Variants in TARS2 observed in about 807,000 individuals in gnomAD.
TARS2 encodes threonyl-tRNA synthetase 2, mitochondrial, also known as threonine--tRNA ligase, mitochondrial.
In TARS2, 61 loss-of-function variants were observed where a neutral mutation model predicts 94.4. The ratio of observed to expected loss-of-function variants is 0.65; its 90% CI spans 0.53 to 0.80. The LOEUF (loss-of-function observed/expected upper bound fraction) is 0.80. Among genes scored for constraint, TARS2 ranks in the 30% least tolerant of loss-of-function variants. The pLI is 0.00. For synonymous variants in TARS2, 359 were observed against 353.4 expected (o/e 1.02, Z -0.18); for missense variants, 704 against 902.5 (o/e 0.78, Z 2.82).
chr1:150,488,234 C>T, intron 2 of TARS2, 180 bp downstream of exon 2: 4 of 678,364 alleles, frequency 5.9e-6, no homozygotes, highest in Non-Finnish European at 7.1e-6. Flanking sequence ...GGGGTCTCTC[C>T]ATGTTGCCCA....
chr1:150,506,238 A>G (rs1009683014), intron 17 of TARS2, among the ~76,000 whole-genome samples: 4 of 152,052 alleles, frequency 2.6e-5, no homozygotes, highest in African/African-American at 9.7e-5. Context: ...GCTGTGCTGC[A>G]ATCCCAGGGA....
Position 150,491,471 on chromosome 1 carries a change from G to A in TARS2, c.590G>A (p.Arg197Lys). ...ACAGCTGCTGCTCGACCCTTCCGGAGGCTAGAGGCTTCACGGGATCAGCTT... is the reference window on the plus strand; with the variant it reads ...ACAGCTGCTGCTCGACCCTTCCGGAAGCTAGAGGCTTCACGGGATCAGCTT... ...ELTAAARPFRRLEASRDQLRQ... is the reference protein window; with the variant it reads ...ELTAAARPFRKLEASRDQLRQ... Residue 197 changes from arginine (R) to lysine (K), a missense_variant, in exon 5 of 18, where the codon AGG (arginine) becomes AAG (lysine). By Grantham distance (26) the Arg-to-Lys change is conservative. Around this residue, in one of 3 missense-constraint regions of TARS2, gnomAD observed 30 missense variants for 64.5 expected, o/e 0.47. Coordinates refer to ENST00000369064, the MANE Select transcript of TARS2 (RefSeq NM_025150.5). 1.9e-6 allele frequency: 3 copies of A among 1,614,194 alleles called. No homozygotes were observed. Among genetic ancestry groups the A allele is most frequent in the Non-Finnish European group, 2.5e-6 (3 of 1,180,052 alleles).
intron 6 of TARS2, 128 bp downstream of exon 6, chr1:150,491,790 T>A: frequency 9.4e-7 from 1 of 1,064,380 alleles, no homozygotes; most frequent in Non-Finnish European, 1.4e-6. Context: ...GAATGGGAAT[T>A]GATTTTTTTT....
rs1156932403 is a variant in TARS2 at position 150,498,541 on chromosome 1, G to A, written c.1278G>A (p.Leu426=). The A allele has an allele frequency of 1.2e-6, 2 of 1,602,506 alleles. No individual in the cohort carries two copies. The highest frequency in any genetic ancestry group is 4.5e-5 in the East Asian group (2 of 44,764). ...FAHRPRSWRE[L]PLRLADFGAL... ...ACCGGCCCAGATCCTGGCGGGAACT[G>A]CCCCTGCGACTAGCTGACTTTGGGG... The change falls in exon 11 of 18, where the codon CTG becomes CTA. Residue 426 remains leucine (L), a synonymous_variant. Coordinates refer to ENST00000369064, the MANE Select transcript of TARS2 (RefSeq NM_025150.5).
rs1670257843 is a variant in TARS2, at chr1:150,507,012, G to A, written c.2105G>A (p.Arg702Gln). Reference protein sequence around the residue: ...GEWDLPEAVQRLVELQNTRVP... With the variant: ...GEWDLPEAVQQLVELQNTRVP... ...TGGGACTTGCCTGAGGCTGTGCAGC[G>A]ACTGGTGGAGCTACAGAACACGAGG... is the stretch of plus-strand genomic sequence containing the variant. The change falls in exon 18 of 18, where the codon CGA becomes CAA. Residue 702 changes from arginine to glutamine, a missense_variant. Physicochemically the swap from Arg to Gln is conservative, Grantham distance 43. Transcript: ENST00000369064. 4.3e-6 allele frequency: 7 copies of A among 1,614,072 alleles called. No individual in the cohort carries two copies. The highest frequency in any genetic ancestry group is 4.5e-5 in the East Asian group (2 of 44,878).
intron 13 of TARS2, among the ~76,000 whole-genome samples, chr1:150,503,558 T>A (rs1670022701): frequency 1.0e-5 from 1 of 96,090 alleles, no homozygotes; most frequent in Non-Finnish European, 2.3e-5. Context: ...TGTGTGTGTG[T>A]GTGTGTGTGT....
At chr1:150,497,830 G>A (rs1400177993) in intron 10 of TARS2, 83 bp downstream of exon 10, 22 of 1,408,020 alleles carry the variant, frequency 1.6e-5, no homozygotes, top group East Asian at 2.5e-5. Context: ...GGTGGCTCAC[G>A]CCTGTAATCC....
At chr1:150,501,065 A>G (rs973801814) in intron 13 of TARS2, among the ~76,000 whole-genome samples, 1 of 152,056 alleles carries the variant, frequency 6.6e-6, no homozygotes, top group Non-Finnish European at 1.5e-5. Context: ...CATGGTATCA[A>G]TTATCTGAAT....
In TARS2 at chr1:150,499,008, C is replaced by A; in HGVS notation, c.1513C>A (p.Pro505Thr). The A allele has an allele frequency of 6.2e-7, 1 of 1,614,120 alleles. No homozygotes were observed. Residue 505 changes from proline (P) to threonine (T), a missense_variant, in exon 12 of 18, where the codon CCT becomes ACT. Transcript: ENST00000369064. Reference sequence around the variant, plus strand: ...CCGGCCATCTGGCTTCCTGGGGGACCCTTGCCTTTGGGACCAGGCCGAACA... The same window carrying A: ...CCGGCCATCTGGCTTCCTGGGGGACACTTGCCTTTGGGACCAGGCCGAACA... ...STRPSGFLGD[P>T]CLWDQAEQVL...
chr1:150,505,068 T>C, intron 16 of TARS2, 90 bp downstream of exon 16: 1 of 1,342,678 alleles, frequency 7.4e-7, no homozygotes, highest in Non-Finnish European at 1.0e-6. Flanking sequence ...GCAGGGGTGG[T>C]AGAGGAAGGA....
At position 150,505,603 on chromosome 1, in the gene TARS2, C is replaced by T; in HGVS notation, c.1906C>T (p.Leu636=). 1 of 1,614,128 alleles carries T rather than the reference C, an allele frequency of 6.2e-7. No homozygotes were observed. The highest frequency in any genetic ancestry group is 8.5e-7 in the Non-Finnish European group (1 of 1,180,004). Residue 636 remains leucine, a synonymous_variant, in exon 17 of 18, where the codon CTG becomes TTG. Coordinates refer to ENST00000369064, the MANE Select transcript of TARS2 (RefSeq NM_025150.5). The part of the protein sequence containing the change: ...EEYAKEAQQS[L]RAAGLVSDLD... ...ACCTCTGTTGCAGGCACAGCAGAGC[C>T]TGCGGGCTGCAGGACTGGTCAGTGA...
Position 150,507,211 on chromosome 1 carries a change from T to C in TARS2, c.*147T>C, listed in dbSNP as rs920736848. 3.6e-6 allele frequency: 4 copies of C among 1,113,510 alleles called. No individual in the cohort carries two copies. The highest frequency in any genetic ancestry group is 5.0e-6 in the Non-Finnish European group (4 of 806,430). 69.0% of individuals were successfully genotyped at this position (1,113,510 alleles called of 1,614,324 possible). ...CTGCTCTCCTGAAAAGAGACTTGGT[T>C]TGGGGACCCCACAAAAGGAGGGAAG... On this transcript the variant is annotated 3_prime_UTR_variant, in exon 18 of 18. Coordinates refer to ENST00000369064, the MANE Select transcript of TARS2 (RefSeq NM_025150.5).
intron 13 of TARS2, among the ~76,000 whole-genome samples, chr1:150,501,589 G>C (rs1669925018): frequency 6.6e-6 from 1 of 151,208 alleles, no homozygotes; most frequent in Non-Finnish European, 1.5e-5. Flanking sequence ...GCCCGCCTTG[G>C]CCTACCAAAG....
intron 10 of TARS2, 85 bp from the exon 11 acceptor site, chr1:150,498,417 A>C: frequency 6.8e-7 from 1 of 1,479,052 alleles, no homozygotes; most frequent in Non-Finnish European, 9.0e-7. Context: ...GGTGCAGAGA[A>C]AGTAGGCAAG....
chr1:150,490,496 A>G lies in TARS2; in HGVS notation c.388-105A>G. On this transcript the variant is annotated intron_variant, in intron 3 of 17. Coordinates refer to ENST00000369064, the MANE Select transcript of TARS2 (RefSeq NM_025150.5). ...CCATTTTGTGGTAGTTATTCCTAGA[A>G]GAACCATACCGGCTTTCCTACCAGC... 5 of 1,477,894 alleles carry G rather than the reference A, an allele frequency of 3.4e-6. No individual in the cohort carries two copies. In the Admixed American group the frequency reaches 9.6e-5, roughly 28 times the overall value. 91.5% of individuals were successfully genotyped at this position (1,477,894 alleles called of 1,614,324 possible).
intron 16 of TARS2, 52 bp downstream of exon 16, chr1:150,505,030 G>C: frequency 6.3e-7 from 1 of 1,593,588 alleles, no homozygotes; most frequent in Non-Finnish European, 8.6e-7. Flanking sequence ...TAGAGAGTCT[G>C]GTGCCCTGCA....
At chr1:150,491,708 T>C in intron 6 of TARS2, 46 bp downstream of exon 6, 1 of 1,589,388 alleles carries the variant, frequency 6.3e-7, no homozygotes, top group South Asian at 1.1e-5. Context: ...GGGGAAGCAT[T>C]GAAGAAGGCC....
Position 150,497,480 on chromosome 1 carries a change from G to A in TARS2, c.1021-50G>A, listed in dbSNP as rs1417285693. 1.9e-6 allele frequency: 3 copies of A among 1,576,992 alleles called. No homozygotes were observed. In the African/African-American group the frequency reaches 4.0e-5, roughly 21 times the overall value. The stretch of plus-strand genomic sequence containing the variant: ...AGATCACACAGCTGACACCCTACCT[G>A]CTTTCCTTCCAGTTACTCTGACCTT... On this transcript the variant is annotated intron_variant, in intron 9 of 17. Coordinates refer to ENST00000369064, the MANE Select transcript of TARS2 (RefSeq NM_025150.5).
intron 7 of TARS2, among the ~76,000 whole-genome samples, chr1:150,495,789 G>A (rs1314124062): frequency 2.6e-5 from 4 of 151,900 alleles, no homozygotes; most frequent in South Asian, 2.1e-4. Context: ...GTGCGATCGC[G>A]ACTCACTGCT....
Sources: allele counts gnomAD v4.1 joint callset (sites outside exome capture counted in the v4.1 genomes callset), GRCh38; gene constraint gnomAD v4.1.1; regional missense constraint gnomAD v4.1.1; transcripts MANE v1.5; gene names NCBI Gene and HGNC (gene_info 2026-07-23, HGNC 2026-07-21).